Variants in ZMIZ1 observed in about 807,000 individuals in gnomAD.
The protein encoded by ZMIZ1 is zinc finger MIZ domain-containing protein 1.
ZMIZ1 carries 17 observed loss-of-function variants against 113.9 expected under a neutral mutation model. That is an observed-to-expected ratio of 0.15 (90% CI 0.10 to 0.22). The LOEUF (loss-of-function observed/expected upper bound fraction) is 0.22, where lower values mean the gene tolerates loss of function less well. Among genes scored for constraint, ZMIZ1 ranks in the 10% least tolerant of loss-of-function variants. ZMIZ1 has a pLI of 1.00. For synonymous variants in ZMIZ1, 607 were observed against 603.1 expected (o/e 1.01, Z -0.09); for missense variants, 1,059 against 1,477.8 (o/e 0.72, Z 4.65).
chr10:79,201,165 G>A (rs1054161283), intron 4 of ZMIZ1, among the ~76,000 whole-genome samples: 13 of 152,154 alleles, frequency 8.5e-5, no homozygotes, highest in Admixed American at 2.6e-4. Flanking sequence ...AAAATTAGCC[G>A]GGTGTGGTGG....
Position 79,311,269 on chromosome 10 carries a change from C to G in ZMIZ1, c.3096+85C>G, listed in dbSNP as rs945937790. The G allele has an allele frequency of 2.0e-5, 16 of 804,394 alleles. No homozygotes were observed. In the East Asian group the frequency reaches 9.3e-4, roughly 47 times the overall value. The allele number at this position is 804,394 out of a possible 1,614,324, so 49.8% of individuals were successfully genotyped here. A position where few individuals can be genotyped will look rare whatever the true frequency, so the allele number is the denominator to read the frequency against. ...GAGAGAAGGGGTGGGTGTGAGGGCT[C>G]GAGGCCCCGAAGGGAGGAGGTGGGT... On this transcript the variant is annotated intron_variant, in intron 24 of 24. Transcript: ENST00000334512.
intron 7 of ZMIZ1, among the ~76,000 whole-genome samples, chr10:79,244,220 C>A (rs534047651): frequency 6.6e-6 from 1 of 152,324 alleles, no homozygotes; most frequent in African/African-American, 2.4e-5. Flanking sequence ...GGCAGGGTGC[C>A]CTTCGCAAAG....
chr10:79,297,508 C>T, intron 13 of ZMIZ1, 105 bp from the exon 14 acceptor site: 2 of 954,978 alleles, frequency 2.1e-6, no homozygotes, highest in Admixed American at 3.7e-5. Context: ...GGATGGGCCC[C>T]TGTAGCATCC....
At chr10:79,305,715 G>A (rs748767416) in intron 21 of ZMIZ1, 114 bp downstream of exon 21, 139 of 1,073,546 alleles carry the variant, frequency 1.3e-4, no homozygotes, top group Non-Finnish European at 1.7e-4. Flanking sequence ...CCAGCAGACC[G>A]TGACCCACAT....
chr10:79,304,359 C>T (rs1854540249), intron 19 of ZMIZ1, among the ~76,000 whole-genome samples, 184 bp downstream of exon 19: 1 of 152,234 alleles, frequency 6.6e-6, no homozygotes, highest in Non-Finnish European at 1.5e-5. Context: ...TTTCTGTGTG[C>T]TTAAGGCCAA....
chr10:79,252,800 C>T (rs910589388), intron 7 of ZMIZ1, among the ~76,000 whole-genome samples: 2 of 152,182 alleles, frequency 1.3e-5, no homozygotes, highest in Non-Finnish European at 2.9e-5. Context: ...CACCTGTGAC[C>T]CTTACTAGGC....
chr10:79,303,454 C>CAAAAA (rs34154193), intron 18 of ZMIZ1, among the ~76,000 whole-genome samples: 6 of 65,918 alleles, frequency 9.1e-5, no homozygotes, highest in Admixed American at 3.7e-4. Flanking sequence ...GACACTGCCA[C>CAAAAA]AAAAAAAAAA....
At chr10:79,293,779 G>A in intron 12 of ZMIZ1, 126 bp downstream of exon 12, 1 of 1,428,504 alleles carries the variant, frequency 7.0e-7, no homozygotes, top group Non-Finnish European at 9.8e-7. Context: ...AAGAGGCAGG[G>A]GCTTAGGGGT....
At chr10:79,170,726 A>C (rs751061785) in intron 4 of ZMIZ1, among the ~76,000 whole-genome samples, 6 of 152,226 alleles carry the variant, frequency 3.9e-5, no homozygotes, top group Non-Finnish European at 7.3e-5. Flanking sequence ...ATGACCCCGC[A>C]GAGCCCTCCC....
intron 1 of ZMIZ1, among the ~76,000 whole-genome samples, chr10:79,106,689 G>A (rs1352181011): frequency 6.6e-6 from 1 of 152,226 alleles, no homozygotes; most frequent in African/African-American, 2.4e-5. Flanking sequence ...AGTTTAGGAA[G>A]CTCTTGTTCA....
intron 1 of ZMIZ1, among the ~76,000 whole-genome samples, chr10:79,072,661 G>GGACCAGGAAGCAGCCAC (rs1447571460): frequency 6.6e-6 from 1 of 152,206 alleles, no homozygotes; most frequent in Non-Finnish European, 1.5e-5. Flanking sequence ...CTTGGTCGTG[G>GGACCAGGAAGCAGCCAC]GACCAGGAAG....
intron 4 of ZMIZ1, among the ~76,000 whole-genome samples, chr10:79,162,342 CCTTT>C (rs1846147003): frequency 6.6e-6 from 1 of 152,174 alleles, no homozygotes; most frequent in African/African-American, 2.4e-5. Flanking sequence ...CTTGGCCTGG[CCTTT>C]CTCTAGAGCA....
chr10:79,079,074 C>T (rs985921349), intron 1 of ZMIZ1, among the ~76,000 whole-genome samples: 12 of 152,350 alleles, frequency 7.9e-5, no homozygotes, highest in African/African-American at 2.2e-4. Flanking sequence ...GGCCTTTCCA[C>T]CTCTTTTTAA....
chr10:79,102,853 C>G (rs1041356880), intron 1 of ZMIZ1, among the ~76,000 whole-genome samples: 1 of 152,226 alleles, frequency 6.6e-6, no homozygotes, highest in Non-Finnish European at 1.5e-5. Flanking sequence ...GCTGTTCACT[C>G]ACTTGTTCAT....
chr10:79,208,599 T>TA (rs1848424412), intron 6 of ZMIZ1, 150 bp downstream of exon 6: 2 of 680,320 alleles, frequency 2.9e-6, no homozygotes, highest in Admixed American at 2.8e-5. Flanking sequence ...GGGATGGCCC[T>TA]ATTTGGTGTG....
intron 3 of ZMIZ1, among the ~76,000 whole-genome samples, chr10:79,152,043 G>C (rs1333681030): frequency 6.6e-6 from 1 of 152,242 alleles, no homozygotes; most frequent in African/African-American, 2.4e-5. Context: ...GGATGGAGTA[G>C]TCAGGGGACC....
At chr10:79,103,930 C>T (rs1415737285) in intron 1 of ZMIZ1, among the ~76,000 whole-genome samples, 1 of 152,236 alleles carries the variant, frequency 6.6e-6, no homozygotes, top group Non-Finnish European at 1.5e-5. Flanking sequence ...CACCATTTGC[C>T]ATTGGCTGGA....
intron 4 of ZMIZ1, among the ~76,000 whole-genome samples, chr10:79,175,566 C>T (rs972736591): frequency 1.3e-5 from 2 of 149,846 alleles, no homozygotes; most frequent in South Asian, 2.1e-4. Context: ...GAGGACTTCT[C>T]TAATCTGTGC....
At chr10:79,229,897 A>C (rs1849328224) in intron 7 of ZMIZ1, among the ~76,000 whole-genome samples, 1 of 152,128 alleles carries the variant, frequency 6.6e-6, no homozygotes, top group Non-Finnish European at 1.5e-5. Context: ...ATCTGCCATC[A>C]GTTTACATAG....
Sources: gnomAD v4.1 joint callset for allele counts (sites outside exome capture counted in the v4.1 genomes callset) on GRCh38, gnomAD v4.1.1 for gene constraint, MANE v1.5 for transcripts, NCBI Gene and HGNC (gene_info 2026-07-23, HGNC 2026-07-21) for gene names.